Variants in NDC80 observed in about 807,000 individuals in gnomAD.
NDC80 encodes NDC80 kinetochore complex component.
In NDC80, 69 loss-of-function variants were observed where a neutral mutation model predicts 89.3. The observed-to-expected ratio is 0.77, with a 90% confidence interval of 0.64 to 0.94. The LOEUF is 0.94. Among genes scored for constraint, NDC80 ranks in the 40% least tolerant of loss-of-function variants. The pLI, the probability that NDC80 is intolerant of heterozygous loss-of-function variation, is 0.00. For synonymous variants in NDC80, 243 were observed against 255.6 expected, an observed-to-expected ratio of 0.95 and a Z score of 0.47; for missense variants, 593 against 739.6, an observed-to-expected ratio of 0.80 and a Z score of 2.30.
At chr18:2,589,442 C>G (rs1056707230) in intron 9 of NDC80, 132 bp downstream of exon 9, 4 of 632,360 alleles carry the variant, frequency 6.3e-6, no homozygotes, top group Non-Finnish European at 1.1e-5. Context: ...TAAATTTTCA[C>G]CTAGAAACTC....
chr18:2,581,534 A>G (rs573320868), intron 6 of NDC80, among the ~76,000 whole-genome samples: 6 of 152,224 alleles, frequency 3.9e-5, no homozygotes, highest in East Asian at 1.9e-4. Context: ...GTGATGGTGC[A>G]TGCCGTCCCG....
At position 2,572,106 on chromosome 18, in the gene NDC80, A is replaced by G. The variant is rs1310842703; in HGVS notation, c.-10+423A>G. On this transcript the variant is annotated intron_variant, in intron 1 of 16. Coordinates refer to ENST00000261597, the MANE Select transcript of NDC80 (RefSeq NM_006101.3). ...CATTCTAAGTGGAGATTAAACGTGG[A>G]CACACAGGTGTGAGTGGAAAAGTTG... 2.0e-5 allele frequency among the ~76,000 whole-genome samples: 3 copies of G among 152,342 alleles called. No homozygotes were observed. The East Asian group carries it at 5.8e-4, about 29-fold the overall frequency.
intron 11 of NDC80, among the ~76,000 whole-genome samples, chr18:2,596,676 G>C (rs1035033934): frequency 4.0e-5 from 6 of 151,782 alleles, no homozygotes; most frequent in Admixed American, 3.9e-4. Flanking sequence ...CCATTACTGG[G>C]TATATACCCA....
intron 10 of NDC80, among the ~76,000 whole-genome samples, chr18:2,592,097 A>G (rs1187617044): frequency 6.6e-6 from 1 of 152,122 alleles, no homozygotes; most frequent in African/African-American, 2.4e-5. Context: ...CTTTCTTGTC[A>G]GCATATGATC....
chr18:2,572,089 G>C (rs1351350257), intron 1 of NDC80, among the ~76,000 whole-genome samples: 1 of 152,236 alleles, frequency 6.6e-6, no homozygotes, highest in African/African-American at 2.4e-5. Context: ...TACATTCTAA[G>C]TGGAGATTAA....
At chr18:2,604,251 A>T (rs2072698893) in intron 13 of NDC80, among the ~76,000 whole-genome samples, 2 of 152,218 alleles carry the variant, frequency 1.3e-5, no homozygotes, top group Admixed American at 1.3e-4. Flanking sequence ...ACTTAAGTAC[A>T]GGCTCCTTCT....
intron 16 of NDC80, chr18:2,614,964 T>C (rs1380032470): frequency 6.6e-6 from 1 of 152,146 alleles, no homozygotes; most frequent in Non-Finnish European, 1.5e-5. Context: ...AGGCGGATGC[T>C]GGGGTGAAGC....
chr18:2,574,230 G>A (rs1157943189), intron 2 of NDC80, among the ~76,000 whole-genome samples: 4 of 152,206 alleles, frequency 2.6e-5, no homozygotes, highest in Middle Eastern at 3.4e-3. Context: ...GGGAGAAGAC[G>A]GAAATAGGGA....
chr18:2,616,398 A>AT (rs763331297), intron 16 of NDC80, 39 bp from the exon 17 acceptor site: 42 of 1,335,030 alleles, frequency 3.1e-5, no homozygotes, highest in Admixed American at 2.6e-4. Context: ...AAAGAAATTA[A>AT]TTTTTTTTAC....
Position 2,578,194 on chromosome 18 carries a change from CAAATT to C in NDC80, c.476+58_476+62del, listed in dbSNP as rs368577251. 2.9e-4 allele frequency: 425 copies of C among 1,481,954 alleles called. No individual in the cohort carries two copies. In the African/African-American group the frequency reaches 5.4e-3, roughly 19 times the overall value. 91.8% of individuals were successfully genotyped at this position (1,481,954 alleles called of 1,614,324 possible). On this transcript the variant is annotated intron_variant, in intron 5 of 16. Transcript: ENST00000261597. ...ACATGACTGGCACACAGAGATGAAA[CAAATT>C]AAATCAATTTGTAAAAAGTTTGAGT...
chr18:2,610,801 A>C lies in NDC80; in HGVS notation c.1731A>C (p.Lys577Asn). ...VVQTTTEERR[K>N]VGNNLQRLLE... ...AAACCACGACTGAAGAAAGACGAAA[A>C]GTGGGAAATAACTTGCAACGTCTGT... The change falls in exon 16 of 17, where the codon AAA becomes AAC. Residue 577 changes from lysine to asparagine, a missense_variant. Lys to Asn is a moderately conservative substitution (Grantham distance 94). Coordinates refer to ENST00000261597, the MANE Select transcript of NDC80 (RefSeq NM_006101.3). The C allele has an allele frequency of 6.3e-7, 1 of 1,591,894 alleles. No homozygotes were observed. The highest frequency in any genetic ancestry group is 8.6e-7 in the Non-Finnish European group (1 of 1,164,460).
At chr18:2,575,167 G>A (rs935131464) in intron 3 of NDC80, 101 bp downstream of exon 3, 3 of 849,700 alleles carry the variant, frequency 3.5e-6, no homozygotes, top group Non-Finnish European at 5.6e-6. Flanking sequence ...CCTTTCGAGA[G>A]AAAAGTTATA....
chr18:2,592,522 A>G (rs1216154050), intron 10 of NDC80, among the ~76,000 whole-genome samples: 2 of 151,090 alleles, frequency 1.3e-5, no homozygotes, highest in African/African-American at 4.9e-5. Context: ...TGCCCAGCTA[A>G]TTTTCATTTT....
intron 14 of NDC80, 149 bp from the exon 15 acceptor site, chr18:2,608,551 T>C: frequency 1.2e-6 from 1 of 805,918 alleles, no homozygotes; most frequent in South Asian, 2.6e-5. Context: ...CACTTTAAAG[T>C]CTCTTGCATG....
intron 13 of NDC80, among the ~76,000 whole-genome samples, chr18:2,604,980 G>T (rs2072702651): frequency 6.6e-6 from 1 of 152,108 alleles, no homozygotes; most frequent in Non-Finnish European, 1.5e-5. Context: ...AATAGTAAAT[G>T]GTAGGGACCC....
At chr18:2,608,978 T>C in intron 15 of NDC80, 148 bp downstream of exon 15, 2 of 763,282 alleles carry the variant, frequency 2.6e-6, no homozygotes, top group Non-Finnish European at 3.8e-6. Context: ...TAAGTACAAC[T>C]GCTTATAACT....
Position 2,614,596 on chromosome 18 carries a change from A to G in NDC80, c.1792-1841A>G, listed in dbSNP as rs1484056955. On this transcript the variant is annotated intron_variant, in intron 16 of 16. Coordinates refer to ENST00000261597, the MANE Select transcript of NDC80 (RefSeq NM_006101.3). The stretch of plus-strand genomic sequence containing the variant: ...AAGAAAGAAAGAAAGAAAGAAAGAA[A>G]GAAAGAAAGAAAGAAAGAAAGAAAG... 16 of 7,410 alleles carry G rather than the reference A, an allele frequency of 2.2e-3. 6 individuals carry two copies. The highest frequency in any genetic ancestry group is 0.01 in the African/African-American group (11 of 1,050). 0.5% of individuals were successfully genotyped at this position (7,410 alleles called of 1,614,324 possible). A position where few individuals can be genotyped will look rare whatever the true frequency, so the allele number is the denominator to read the frequency against.
chr18:2,589,970 T>C, intron 9 of NDC80, 48 bp from the exon 10 acceptor site: 1 of 1,237,338 alleles, frequency 8.1e-7, no homozygotes, highest in East Asian at 2.8e-5. Context: ...AAATAAAATA[T>C]GGAATGGTTA....
chr18:2,604,837 AT>A (rs1435836355), intron 13 of NDC80, among the ~76,000 whole-genome samples: 1 of 152,150 alleles, frequency 6.6e-6, no homozygotes, highest in East Asian at 1.9e-4. Flanking sequence ...ATCAATGAAG[AT>A]TTATAAGTAA....
Sources: allele counts gnomAD v4.1 joint callset (sites outside exome capture counted in the v4.1 genomes callset), GRCh38; gene constraint gnomAD v4.1.1; transcripts MANE v1.5; gene names NCBI Gene and HGNC (gene_info 2026-07-23, HGNC 2026-07-21).